The following EYS variants were observed in gnomAD, a reference collection of about 807,000 sequenced individuals.
EYS encodes the protein protein eyes shut homolog.
A neutral mutation model predicts 282.1 loss-of-function variants in EYS; 250 were observed. The ratio of observed to expected loss-of-function variants is 0.89; its 90% CI spans 0.80 to 0.98. The LOEUF (loss-of-function observed/expected upper bound fraction) is 0.98. Among genes scored for constraint, EYS ranks in the 50% least tolerant of loss-of-function variants. EYS has a pLI of 0.00. For synonymous variants in EYS, 1,355 were observed against 1,282.9 expected, an observed-to-expected ratio of 1.06 and a Z score of -1.20; for missense variants, 4,016 against 3,709.0, an observed-to-expected ratio of 1.08 and a Z score of -2.15.
At chr6:64,961,923 A>G (rs1769933865) in intron 14 of EYS, among the ~76,000 whole-genome samples, 4 of 152,154 alleles carry the variant, frequency 2.6e-5, no homozygotes, top group African/African-American at 9.7e-5. Flanking sequence ...TTTATCTATC[A>G]TCATAATTAT....
At chr6:65,036,984 G>C (rs1192959614) in intron 13 of EYS, among the ~76,000 whole-genome samples, 1 of 151,780 alleles carries the variant, frequency 6.6e-6, no homozygotes, top group Non-Finnish European at 1.5e-5. Flanking sequence ...AATATAAATT[G>C]TTCTACCATA....
rs1356295678 is a variant in EYS, at chr6:65,564,971, C to T, written c.-332-68978G>A. Among the ~76,000 whole-genome samples, 8 of 14,858 alleles carry T rather than the reference C, an allele frequency of 5.4e-4. 4 individuals carry two copies. The highest frequency in any genetic ancestry group is 2.3e-3 in the African/African-American group (2 of 864). 9.7% of individuals were successfully genotyped at this position (14,858 alleles called of 152,430 possible). A position where few individuals can be genotyped will look rare whatever the true frequency, so the allele number is the denominator to read the frequency against. ...ATTAAAAAGTGGGTGAACGGCCGGGCGCGGTGGCTCACGCCTGTAATCCCA... is the reference window on the plus strand; with the variant it reads ...ATTAAAAAGTGGGTGAACGGCCGGGTGCGGTGGCTCACGCCTGTAATCCCA... On this transcript the variant is annotated intron_variant, in intron 2 of 42. Transcript: ENST00000503581.
intron 37 of EYS, among the ~76,000 whole-genome samples, chr6:63,796,348 G>A (rs931860522): frequency 6.6e-6 from 1 of 152,050 alleles, no homozygotes; most frequent in African/African-American, 2.4e-5. Context: ...GGGCATATTG[G>A]GACTCTAAAA....
At chr6:64,709,341 C>T (rs1771132794) in intron 22 of EYS, among the ~76,000 whole-genome samples, 1 of 152,098 alleles carries the variant, frequency 6.6e-6, no homozygotes, top group South Asian at 2.1e-4. Flanking sequence ...AATCACTATC[C>T]TAAGCTTAAA....
chr6:64,619,522 T>C (rs1311203504), intron 23 of EYS, among the ~76,000 whole-genome samples: 1 of 152,094 alleles, frequency 6.6e-6, no homozygotes, highest in Non-Finnish European at 1.5e-5. Context: ...GGTGGGAATT[T>C]GGTCAATTTC....
At chr6:64,877,364 G>A (rs995356042) in intron 19 of EYS, among the ~76,000 whole-genome samples, 1 of 152,022 alleles carries the variant, frequency 6.6e-6, no homozygotes, top group Admixed American at 6.6e-5. Flanking sequence ...GAGAGTTCAG[G>A]GGAGACACAA....
At chr6:64,097,557 A>G (rs1772672359) in intron 31 of EYS, among the ~76,000 whole-genome samples, 1 of 152,180 alleles carries the variant, frequency 6.6e-6, no homozygotes, top group Admixed American at 6.5e-5. Context: ...CAAGCCAAGC[A>G]TGGGATATAA....
At chr6:65,222,531 T>C (rs1457551248) in intron 12 of EYS, among the ~76,000 whole-genome samples, 4 of 152,214 alleles carry the variant, frequency 2.6e-5, no homozygotes, top group Non-Finnish European at 5.9e-5. Context: ...CTTTCCTTTA[T>C]AAATTACTCA....
intron 22 of EYS, among the ~76,000 whole-genome samples, chr6:64,760,449 C>T (rs763199401): frequency 2.6e-5 from 4 of 152,114 alleles, no homozygotes; most frequent in Non-Finnish European, 5.9e-5. Context: ...TGATGTAACG[C>T]TGCCATAGAG....
intron 31 of EYS, among the ~76,000 whole-genome samples, chr6:64,200,156 T>A (rs1208163689): frequency 6.6e-6 from 1 of 152,094 alleles, no homozygotes; most frequent in Non-Finnish European, 1.5e-5. Context: ...AAGAGACCAG[T>A]GGTTTTCAGG....
At chr6:65,406,286 A>G (rs947080418) in intron 5 of EYS, among the ~76,000 whole-genome samples, 6 of 152,116 alleles carry the variant, frequency 3.9e-5, no homozygotes, top group African/African-American at 1.4e-4. Flanking sequence ...CTTATGATTG[A>G]GAGCATTTTT....
intron 35 of EYS, among the ~76,000 whole-genome samples, chr6:63,982,706 G>C (rs565178047): frequency 1.3e-5 from 2 of 151,828 alleles, no homozygotes; most frequent in East Asian, 1.9e-4. Flanking sequence ...CAAGTCACAG[G>C]TTTCACCCAC....
chr6:64,236,324 T>C (rs1163107383), intron 30 of EYS, among the ~76,000 whole-genome samples: 1 of 152,170 alleles, frequency 6.6e-6, no homozygotes, highest in East Asian at 1.9e-4. Flanking sequence ...TATTTATCTA[T>C]TCATTAGTTG....
intron 40 of EYS, among the ~76,000 whole-genome samples, chr6:63,769,532 G>A (rs901777029): frequency 2.6e-5 from 4 of 152,076 alleles, no homozygotes; most frequent in Non-Finnish European, 2.9e-5. Flanking sequence ...GGAAAAATTT[G>A]TGGGTTCTTC....
intron 1 of EYS, among the ~76,000 whole-genome samples, chr6:65,665,762 T>C (rs1768175677): frequency 1.3e-5 from 2 of 152,054 alleles, no homozygotes; most frequent in Admixed American, 1.3e-4. Context: ...ACCTTTTAAC[T>C]GAAACAACCA....
chr6:65,187,493 G>A (rs1765542059), intron 12 of EYS, among the ~76,000 whole-genome samples: 1 of 151,672 alleles, frequency 6.6e-6, no homozygotes, highest in Admixed American at 6.6e-5. Flanking sequence ...TACAGCCAGA[G>A]TGGCAGGTAT....
At chr6:65,132,329 C>A (rs1026309463) in intron 12 of EYS, among the ~76,000 whole-genome samples, 5 of 151,876 alleles carry the variant, frequency 3.3e-5, no homozygotes, top group South Asian at 2.1e-4. Context: ...ACTTGCAAAT[C>A]AAATCCAGCA....
intron 8 of EYS, among the ~76,000 whole-genome samples, chr6:65,375,471 T>G (rs1248567029): frequency 6.6e-6 from 1 of 152,156 alleles, no homozygotes; most frequent in East Asian, 2.0e-4. Context: ...AAAACCAGAA[T>G]GCTTCTTCTC....
intron 31 of EYS, among the ~76,000 whole-genome samples, chr6:64,171,303 T>C (rs778751039): frequency 7.2e-5 from 11 of 152,212 alleles, no homozygotes; most frequent in Non-Finnish European, 1.6e-4. Flanking sequence ...TATAATCTTA[T>C]AGGGATCTGT....
Sources: allele counts gnomAD v4.1 joint callset (sites outside exome capture counted in the v4.1 genomes callset), GRCh38; gene constraint gnomAD v4.1.1; transcripts MANE v1.5; gene names NCBI Gene and HGNC (gene_info 2026-07-23, HGNC 2026-07-21).